Variants in PTPRO observed in about 807,000 individuals in gnomAD.
PTPRO encodes the protein protein tyrosine phosphatase receptor type O.
In PTPRO, 62 loss-of-function variants were observed where a neutral mutation model predicts 145.2. That is an observed-to-expected ratio of 0.43 (90% CI 0.35 to 0.53). PTPRO has a LOEUF of 0.53. PTPRO is among the 20% of genes least tolerant of loss of function. The probability of loss-of-function intolerance (pLI) is 0.01; values close to 1 mark genes in which losing one functional copy is unlikely to be tolerated. For synonymous variants in PTPRO, 565 were observed against 514.7 expected (o/e 1.10, Z -1.32); for missense variants, 1,345 against 1,482.7 (o/e 0.91, Z 1.53).
chr12:15,432,725 G>GT (rs1940478991), intron 1 of PTPRO, among the ~76,000 whole-genome samples: 1 of 152,172 alleles, frequency 6.6e-6, no homozygotes, highest in Admixed American at 6.5e-5. Flanking sequence ...TCTCATTGTG[G>GT]TTTTGATTTG....
At chr12:15,330,582 A>G (rs1250849914) in intron 1 of PTPRO, among the ~76,000 whole-genome samples, 1 of 152,192 alleles carries the variant, frequency 6.6e-6, no homozygotes, top group African/African-American at 2.4e-5. Flanking sequence ...CTAGCCAAAG[A>G]TTACTGCTAG....
At chr12:15,544,506 C>CAAAAAAAAAAAAA (rs61249816) in intron 12 of PTPRO, among the ~76,000 whole-genome samples, 2 of 73,236 alleles carry the variant, frequency 2.7e-5, no homozygotes, top group African/African-American at 5.6e-5. Context: ...GACTCCATCT[C>CAAAAAAAAAAAAA]AAAAAAAAAA....
chr12:15,452,930 G>A (rs1418037582), intron 1 of PTPRO, among the ~76,000 whole-genome samples: 3 of 152,078 alleles, frequency 2.0e-5, no homozygotes, highest in Admixed American at 6.6e-5. Context: ...TTTATTTGTT[G>A]GATATGGAAG....
chr12:15,566,752 C>A (rs950729561), intron 18 of PTPRO, among the ~76,000 whole-genome samples: 2 of 152,112 alleles, frequency 1.3e-5, no homozygotes. Flanking sequence ...AACTCCTGAC[C>A]TCATGTGATC....
At chr12:15,471,580 A>G (rs1019352897) in intron 1 of PTPRO, among the ~76,000 whole-genome samples, 1 of 152,220 alleles carries the variant, frequency 6.6e-6, no homozygotes, top group Non-Finnish European at 1.5e-5. Flanking sequence ...AGTATGATGT[A>G]AGTAGATGCT....
At chr12:15,585,839 A>G (rs2135662410) in intron 23 of PTPRO, among the ~76,000 whole-genome samples, 1 of 152,358 alleles carries the variant, frequency 6.6e-6, no homozygotes, top group East Asian at 1.9e-4. Flanking sequence ...CTTACAAGTT[A>G]GTTGGGACTA....
chr12:15,380,798 T>C lies in PTPRO; in HGVS notation c.75+57997T>C, dbSNP rs184453384. Reference sequence around the variant, plus strand: ...CTTTTTTATTGACTTTTCATTGTATTAATTGTATGCTAAAGAAACTTAGAC... The same window carrying C: ...CTTTTTTATTGACTTTTCATTGTATCAATTGTATGCTAAAGAAACTTAGAC... On this transcript the variant is annotated intron_variant, in intron 1 of 26. Transcript: ENST00000281171. Among the ~76,000 whole-genome samples, 58 of 152,320 alleles carry C rather than the reference T, an allele frequency of 3.8e-4. 2 individuals are homozygous for C. The highest frequency in any genetic ancestry group is 3.5e-3 in the Admixed American group (53 of 15,294).
intron 1 of PTPRO, among the ~76,000 whole-genome samples, chr12:15,463,749 T>C (rs1300854791): frequency 1.3e-5 from 2 of 152,200 alleles, no homozygotes; most frequent in African/African-American, 4.8e-5. Context: ...CTCTTCCTAC[T>C]AGCTCTCTTT....
At chr12:15,386,520 T>G (rs1939034360) in intron 1 of PTPRO, among the ~76,000 whole-genome samples, 1 of 152,184 alleles carries the variant, frequency 6.6e-6, no homozygotes, top group South Asian at 2.1e-4. Flanking sequence ...TTACCTTATA[T>G]GTATGCATGT....
intron 1 of PTPRO, among the ~76,000 whole-genome samples, chr12:15,388,845 C>T (rs1316456370): frequency 6.6e-6 from 1 of 151,918 alleles, no homozygotes; most frequent in Non-Finnish European, 1.5e-5. Context: ...GGAAGAGTTT[C>T]ATGTTTAATA....
At chr12:15,425,871 C>T (rs1307451424) in intron 1 of PTPRO, among the ~76,000 whole-genome samples, 1 of 151,880 alleles carries the variant, frequency 6.6e-6, no homozygotes, top group Admixed American at 6.6e-5. Context: ...TTAAAATATA[C>T]TTGTCACTGT....
At chr12:15,379,468 T>C (rs1482269149) in intron 1 of PTPRO, among the ~76,000 whole-genome samples, 1 of 147,186 alleles carries the variant, frequency 6.8e-6, no homozygotes, top group Non-Finnish European at 1.5e-5. Flanking sequence ...GAGGTGGAGA[T>C]TGCAGTGAGC....
chr12:15,449,136 A>AG (rs397808100), intron 1 of PTPRO, among the ~76,000 whole-genome samples: 1 of 151,360 alleles, frequency 6.6e-6, no homozygotes, highest in East Asian at 1.9e-4. Flanking sequence ...AAAAAAAAAA[A>AG]GGAAATGACA....
At chr12:15,570,322 G>GT (rs111336006) in intron 19 of PTPRO, among the ~76,000 whole-genome samples, 7,354 of 145,548 alleles carry the variant, frequency 0.051, 456 homozygotes, top group African/African-American at 0.15. Flanking sequence ...AAATTCTGTA[G>GT]TTTTTTTTTT....
At chr12:15,454,933 C>T (rs1020125346) in intron 1 of PTPRO, among the ~76,000 whole-genome samples, 11 of 152,060 alleles carry the variant, frequency 7.2e-5, no homozygotes, top group African/African-American at 2.7e-4. Context: ...TCTCTTCCAT[C>T]GGTCTATATG....
intron 1 of PTPRO, among the ~76,000 whole-genome samples, chr12:15,367,830 C>T (rs898237291): frequency 2.0e-5 from 3 of 152,164 alleles, no homozygotes; most frequent in South Asian, 4.1e-4. Context: ...ATGGACCTGA[C>T]GGGCTGTTGT....
Position 15,358,129 on chromosome 12 carries a change from C to A in PTPRO, c.75+35328C>A, listed in dbSNP as rs187695309. On this transcript the variant is annotated intron_variant, in intron 1 of 26. Transcript: ENST00000281171. ...GAAATCATCATTCTCAGTAAACTAT[C>A]GCAAGGACAAAAAACCAAACACTCT... 5.3e-5 allele frequency among the ~76,000 whole-genome samples: 8 copies of A among 150,076 alleles called. No homozygotes were observed. The East Asian group carries it at 1.4e-3, about 26-fold the overall frequency.
At chr12:15,589,652 C>G in intron 25 of PTPRO, 62 bp downstream of exon 25, 3 of 1,561,196 alleles carry the variant, frequency 1.9e-6, no homozygotes, top group Non-Finnish European at 2.6e-6. Context: ...TACCATTATT[C>G]AATGATATGC....
chr12:15,387,933 T>C (rs1939075704), intron 1 of PTPRO, among the ~76,000 whole-genome samples: 2 of 152,218 alleles, frequency 1.3e-5, no homozygotes, highest in Admixed American at 6.5e-5. Flanking sequence ...TTATAGAGAC[T>C]AGAGCAGTAC....
Sources: gnomAD v4.1 joint callset for allele counts (sites outside exome capture counted in the v4.1 genomes callset) on GRCh38, gnomAD v4.1.1 for gene constraint, MANE v1.5 for transcripts, NCBI Gene and HGNC (gene_info 2026-07-23, HGNC 2026-07-21) for gene names.